MROH9: variants seen among roughly 807,000 people sequenced by gnomAD.
MROH9 encodes maestro heat-like repeat-containing protein family member 9.
Under a neutral mutation model 98.2 loss-of-function variants are expected in MROH9, and 92 were observed. The observed-to-expected ratio is 0.94, with a 90% CI of 0.79 to 1.11. The LOEUF is 1.11. Ranked by LOEUF, MROH9 falls within the 50% of genes most tolerant of loss-of-function variation. The pLI is 0.00. For missense variants in MROH9, 1,057 were observed against 1,014.8 expected, an observed-to-expected ratio of 1.04 and a Z score of -0.57; for synonymous variants, 397 against 368.9, an observed-to-expected ratio of 1.08 and a Z score of -0.87.
chr1:171,008,667 G>C (rs1487947968), intron 15 of MROH9, among the ~76,000 whole-genome samples: 1 of 152,186 alleles, frequency 6.6e-6, no homozygotes, highest in East Asian at 1.9e-4. Flanking sequence ...GAGACAGAAG[G>C]ATCACTTGAG....
chr1:171,052,889 T>C (rs1441628157), intron 20 of MROH9, among the ~76,000 whole-genome samples: 1 of 151,978 alleles, frequency 6.6e-6, no homozygotes, highest in Non-Finnish European at 1.5e-5. Context: ...CCACACAAAA[T>C]TCTTTGCATA....
chr1:170,941,509 T>A (rs911446608), intron 1 of MROH9, among the ~76,000 whole-genome samples: 1 of 152,208 alleles, frequency 6.6e-6, no homozygotes, highest in Non-Finnish European at 1.5e-5. Flanking sequence ...AGGAACACCA[T>A]GATCAACTAG....
chr1:170,961,335 C>T (rs1207139218), intron 5 of MROH9, among the ~76,000 whole-genome samples: 4 of 151,962 alleles, frequency 2.6e-5, no homozygotes, highest in African/African-American at 9.7e-5. Flanking sequence ...AAATGTTCAC[C>T]ATTAGAATAG....
chr1:171,064,561 T>C lies in MROH9; in HGVS notation c.*221T>C. The stretch of plus-strand genomic sequence containing the variant: ...ACTAGTGCCTCTGTATGTCTGACAG[T>C]GATCAGAAGCCCTATTTCATCAAAA... On this transcript the variant is annotated 3_prime_UTR_variant, in exon 22 of 22. Coordinates refer to ENST00000367759, the MANE Select transcript of MROH9 (RefSeq NM_001163629.2). 4.4e-6 allele frequency: 2 copies of C among 449,790 alleles called. No individual in the cohort carries two copies. The highest frequency in any genetic ancestry group is 7.7e-6 in the Non-Finnish European group (2 of 259,316). The allele number at this position is 449,790 out of a possible 1,614,324, so 27.9% of individuals were successfully genotyped here.
chr1:170,948,740 G>C (rs1042945440), intron 3 of MROH9, among the ~76,000 whole-genome samples: 2 of 152,036 alleles, frequency 1.3e-5, no homozygotes, highest in East Asian at 3.9e-4. Flanking sequence ...TATTTGGAGG[G>C]ACATTCAAAT....
chr1:170,973,640 C>T (rs2101788152), intron 8 of MROH9, among the ~76,000 whole-genome samples: 1 of 152,262 alleles, frequency 6.6e-6, no homozygotes, highest in South Asian at 2.1e-4. Flanking sequence ...CTTTTGGAGG[C>T]CGAGGCGGGC....
Position 170,961,971 on chromosome 1 carries a change from TTAAAGG to T in MROH9, c.375+1_375+6del, listed in dbSNP as rs777592722. The T allele has an allele frequency of 3.3e-6, 5 of 1,507,870 alleles. No homozygotes were observed. Among genetic ancestry groups the T allele is most frequent in the Non-Finnish European group, 4.5e-6 (5 of 1,111,190 alleles). 93.4% of individuals were successfully genotyped at this position (1,507,870 alleles called of 1,614,324 possible). On this transcript the variant is annotated splice_donor_variant and coding_sequence_variant, in exon 6 of 22. Coordinates refer to ENST00000367759, the MANE Select transcript of MROH9 (RefSeq NM_001163629.2). LOFTEE classifies it high-confidence loss of function. ...TAAAGACCTCTACAAACTACAGATC[TTAAAGG>T]TAAAGAGGAAATAAGTAGTTTAATT...
intron 20 of MROH9, among the ~76,000 whole-genome samples, chr1:171,050,839 C>T (rs535331652): frequency 3.4e-4 from 51 of 152,152 alleles, no homozygotes; most frequent in African/African-American, 1.2e-3. Context: ...GAGGTATGTT[C>T]CTTATGTGCC....
intron 15 of MROH9, among the ~76,000 whole-genome samples, chr1:171,001,080 G>T (rs919772085): frequency 9.9e-5 from 15 of 151,970 alleles, no homozygotes; most frequent in Admixed American, 5.2e-4. Flanking sequence ...GGTGTCAGTT[G>T]TAATATCTCC....
At chr1:170,985,895 G>C (rs558119977) in intron 9 of MROH9, among the ~76,000 whole-genome samples, 1 of 152,060 alleles carries the variant, frequency 6.6e-6, no homozygotes, top group Non-Finnish European at 1.5e-5. Flanking sequence ...CCTTTAAGGA[G>C]AGTGAAGAAA....
chr1:171,015,929 T>C (rs1156507117), intron 16 of MROH9, among the ~76,000 whole-genome samples: 3 of 152,052 alleles, frequency 2.0e-5, no homozygotes, highest in African/African-American at 7.2e-5. Context: ...AATTAGGGAG[T>C]GATAATTTTT....
intron 16 of MROH9, chr1:171,015,140 CTAATGA>C: frequency 6.6e-6 from 3 of 451,904 alleles, no homozygotes; most frequent in South Asian, 3.3e-5. Flanking sequence ...CGTTGTTTAT[CTAATGA>C]GCATAGTCTC....
intron 1 of MROH9, among the ~76,000 whole-genome samples, chr1:170,937,671 G>A (rs1205579957): frequency 4.6e-5 from 7 of 151,228 alleles, no homozygotes; most frequent in Non-Finnish European, 4.4e-5. Flanking sequence ...ACAGGCGCCC[G>A]CCACTACGCC....
intron 20 of MROH9, among the ~76,000 whole-genome samples, chr1:171,049,280 A>G (rs1364832750): frequency 6.6e-6 from 1 of 152,166 alleles, no homozygotes; most frequent in Non-Finnish European, 1.5e-5. Context: ...CTGCAGACAT[A>G]GAAAAAACAG....
At chr1:171,057,698 A>G (rs184444025) in intron 20 of MROH9, among the ~76,000 whole-genome samples, 18 of 152,300 alleles carry the variant, frequency 1.2e-4, no homozygotes, top group African/African-American at 4.3e-4. Flanking sequence ...AAGGGAAAAA[A>G]TGTTAAGGGC....
At chr1:171,040,490 G>A (rs58681280) in intron 20 of MROH9, among the ~76,000 whole-genome samples, 32,488 of 151,884 alleles carry the variant, frequency 0.21, 5,451 homozygotes, top group African/African-American at 0.47. Flanking sequence ...TATTCATTTC[G>A]CTAGGTATAT....
intron 16 of MROH9, among the ~76,000 whole-genome samples, chr1:171,015,675 T>C (rs1652301705): frequency 6.6e-6 from 1 of 152,140 alleles, no homozygotes; most frequent in African/African-American, 2.4e-5. Flanking sequence ...ATCATCTAAT[T>C]TAGAGGTCAT....
chr1:170,974,789 T>C (rs929458453), intron 8 of MROH9, among the ~76,000 whole-genome samples: 6 of 152,008 alleles, frequency 3.9e-5, no homozygotes, highest in Non-Finnish European at 5.9e-5. Context: ...TTTAAATCTC[T>C]TTAAATGATA....
chr1:171,064,616 A>G lies in MROH9; in HGVS notation c.*276A>G. 1 of 289,578 alleles carries G rather than the reference A, an allele frequency of 3.5e-6. No homozygotes were observed. Among genetic ancestry groups the G allele is most frequent in the Non-Finnish European group, 6.3e-6 (1 of 158,144 alleles). 17.9% of individuals were successfully genotyped at this position (289,578 alleles called of 1,614,324 possible). The stretch of plus-strand genomic sequence containing the variant: ...TAAGACAATTGAAAATAACATAAGC[A>G]AAGTGTTTGATGAGAAGCTCTGGGA... On this transcript the variant is annotated 3_prime_UTR_variant, in exon 22 of 22. Coordinates refer to ENST00000367759, the MANE Select transcript of MROH9 (RefSeq NM_001163629.2).
Sources: gnomAD v4.1 joint callset for allele counts (sites outside exome capture counted in the v4.1 genomes callset) on GRCh38, gnomAD v4.1.1 for gene constraint, MANE v1.5 for transcripts, NCBI Gene and HGNC (gene_info 2026-07-23, HGNC 2026-07-21) for gene names.